Variants in GNA15 observed in about 807,000 individuals in gnomAD.
GNA15 encodes G protein subunit alpha 15.
Under a neutral mutation model 40.1 loss-of-function variants are expected in GNA15, and 23 were observed. The ratio of observed to expected loss-of-function variants is 0.57; its 90% CI spans 0.41 to 0.81. The LOEUF is 0.81. GNA15 is among the 40% of genes least tolerant of loss of function. The pLI, the probability that GNA15 is intolerant of heterozygous loss-of-function variation, is 0.00. For missense variants in GNA15, 522 were observed against 515.8 expected, an observed-to-expected ratio of 1.01 and a Z score of -0.12; for synonymous variants, 226 against 210.4, an observed-to-expected ratio of 1.07 and a Z score of -0.64.
chr19:3,140,047 C>CTATCCATCTATCTATCTATCTATG (rs1914543178), intron 1 of GNA15, among the ~76,000 whole-genome samples: 1 of 135,488 alleles, frequency 7.4e-6, no homozygotes, highest in African/African-American at 2.7e-5. Flanking sequence ...AAAAAAAAAT[C>CTATCCATCTATCTATCTATCTATG]TATCTATCTA....
At chr19:3,157,223 T>C (rs920647275) in intron 5 of GNA15, among the ~76,000 whole-genome samples, 1 of 152,094 alleles carries the variant, frequency 6.6e-6, no homozygotes, top group Non-Finnish European at 1.5e-5. Context: ...GGTCTCCAAC[T>C]CCTGGCCTCA....
At chr19:3,157,651 C>T in intron 5 of GNA15, 77 bp from the exon 6 acceptor site, 2 of 1,340,256 alleles carry the variant, frequency 1.5e-6, no homozygotes, top group Admixed American at 1.7e-5. Context: ...GAGCCAACAG[C>T]CCCGTCTCCG....
chr19:3,137,801 A>G (rs1914488049), intron 1 of GNA15, among the ~76,000 whole-genome samples: 1 of 151,792 alleles, frequency 6.6e-6, no homozygotes, highest in Non-Finnish European at 1.5e-5. Context: ...ACAAACAAAC[A>G]AAACCAAAAA....
chr19:3,151,893 C>A lies in GNA15; in HGVS notation c.614+58C>A. ...CAGGGAAGGCTTCCTGTAGGAAGGGCAAAGGAGCTGGGGCCCTGAGGGATG... is the reference window on the plus strand; with the variant it reads ...CAGGGAAGGCTTCCTGTAGGAAGGGAAAAGGAGCTGGGGCCCTGAGGGATG... On this transcript the variant is annotated intron_variant, in intron 4 of 6. Coordinates refer to ENST00000262958, the MANE Select transcript of GNA15 (RefSeq NM_002068.4). The surrounding 1 kb of genome is among the most constrained non-coding windows in gnomAD (Gnocchi z 5.0). 1 of 1,346,164 alleles carries A rather than the reference C, an allele frequency of 7.4e-7. No individual in the cohort carries two copies. Among genetic ancestry groups the A allele is most frequent in the Non-Finnish European group, 1.0e-6 (1 of 970,746 alleles). The allele number at this position is 1,346,164 out of a possible 1,614,324, so 83.4% of individuals were successfully genotyped here.
chr19:3,152,719 G>A (rs529433115), intron 4 of GNA15, among the ~76,000 whole-genome samples: 4 of 152,232 alleles, frequency 2.6e-5, no homozygotes, highest in East Asian at 1.9e-4. Flanking sequence ...ATGGCGGGGA[G>A]CTGAGCAGGG....
intron 1 of GNA15, among the ~76,000 whole-genome samples, chr19:3,143,547 G>C (rs1400811543): frequency 6.6e-6 from 1 of 152,148 alleles, no homozygotes; most frequent in Non-Finnish European, 1.5e-5. Context: ...AGCTAGTCTG[G>C]AGGTTGAGGC....
chr19:3,140,664 GTCT>G (rs1362676732), intron 1 of GNA15, among the ~76,000 whole-genome samples: 1 of 152,158 alleles, frequency 6.6e-6, no homozygotes, highest in Non-Finnish European at 1.5e-5. Context: ...GACCACATCT[GTCT>G]TCTTCATCCC....
chr19:3,162,034 AAAT>A (rs138333994), intron 6 of GNA15, among the ~76,000 whole-genome samples: 47,866 of 149,744 alleles, frequency 0.32, 7,873 homozygotes, highest in Non-Finnish European at 0.35. Context: ...CTCTGTCTCA[AAAT>A]AATAATAATA....
intron 1 of GNA15, among the ~76,000 whole-genome samples, chr19:3,138,798 T>C (rs867167036): frequency 0.14 from 2,895 of 21,236 alleles, 86 homozygotes; most frequent in African/African-American, 0.3. Flanking sequence ...GCCCAGTTAA[T>C]TTTTTTTTTT....
At chr19:3,138,238 C>T (rs1159705288) in intron 1 of GNA15, among the ~76,000 whole-genome samples, 2 of 152,150 alleles carry the variant, frequency 1.3e-5, no homozygotes, top group African/African-American at 4.8e-5. Flanking sequence ...TGCACCCCAG[C>T]CTGGGCAACA....
chr19:3,152,422 G>A (rs1467322131), intron 4 of GNA15, among the ~76,000 whole-genome samples: 7 of 152,108 alleles, frequency 4.6e-5, no homozygotes, highest in Non-Finnish European at 8.8e-5. Context: ...TTTTGTCAAG[G>A]TGATGGGGGT....
At position 3,148,759 on chromosome 19, in the gene GNA15, G is replaced by T. The variant is rs377517036; in HGVS notation, c.314G>T (p.Ser105Ile). ...ATGGAGCGGCTGCAGATTCCATTCA[G>T]CAGGCCCGAGAGCAAGGTGAGCCGC... is the stretch of plus-strand genomic sequence containing the variant. ...EAMERLQIPF[S>I]RPESKHHASL... Residue 105 changes from serine to isoleucine, a missense_variant, in exon 2 of 7, where the codon AGC (serine) becomes ATC (isoleucine). Coordinates refer to ENST00000262958, the MANE Select transcript of GNA15 (RefSeq NM_002068.4). 8 of 1,599,012 alleles carry T rather than the reference G, an allele frequency of 5.0e-6. No homozygotes were observed. The highest frequency in any genetic ancestry group is 6.8e-6 in the Non-Finnish European group (8 of 1,173,150).
At chr19:3,154,628 CTGGATGGGTGGA>C (rs1914967965) in intron 4 of GNA15, among the ~76,000 whole-genome samples, 2 of 122,934 alleles carry the variant, frequency 1.6e-5, no homozygotes, top group African/African-American at 3.2e-5. Context: ...GAGTGAATGG[CTGGATGGGTGGA>C]TGGATGGGTG....
At chr19:3,158,769 G>A (rs1303401883) in intron 6 of GNA15, among the ~76,000 whole-genome samples, 3 of 151,890 alleles carry the variant, frequency 2.0e-5, no homozygotes, top group African/African-American at 7.3e-5. Context: ...TTACAGGCAC[G>A]TGCCACCAAG....
intron 1 of GNA15, among the ~76,000 whole-genome samples, chr19:3,137,995 A>AAATC (rs1418718140): frequency 9.9e-5 from 15 of 151,400 alleles, no homozygotes; most frequent in African/African-American, 3.6e-4. Flanking sequence ...ATAAATAAAT[A>AAATC]AATCATGCCT....
chr19:3,150,329 G>T (rs780075431), intron 3 of GNA15, 44 bp downstream of exon 3: 1 of 1,477,984 alleles, frequency 6.8e-7, no homozygotes, highest in Non-Finnish European at 9.0e-7. Context: ...GGGAGGGGCT[G>T]AGGGCAGGGG....
In GNA15 at chr19:3,150,189, G is replaced by C; in HGVS notation, c.389G>C (p.Arg130Pro). The change falls in exon 3 of 7, where the codon CGC becomes CCC. Residue 130 changes from arginine (R) to proline (P), a missense_variant. Physicochemically the swap from Arg to Pro is moderately radical, Grantham distance 103 (BLOSUM62 -2). Coordinates refer to ENST00000262958, the MANE Select transcript of GNA15 (RefSeq NM_002068.4). ...TATAAAGTGACCACGTTTGAGAAGC[G>C]CTACGCTGCGGCCATGCAGTGGCTG... ...DPYKVTTFEK[R>P]YAAAMQWLWR... 1 of 1,613,246 alleles carries C rather than the reference G, an allele frequency of 6.2e-7. No homozygotes were observed. The highest frequency in any genetic ancestry group is 8.5e-7 in the Non-Finnish European group (1 of 1,179,754).
chr19:3,136,951 T>G lies in GNA15; in HGVS notation c.145+356T>G, dbSNP rs1238823880. On this transcript the variant is annotated intron_variant, in intron 1 of 6. Transcript: ENST00000262958. This position sits in a 1 kb window ranked among gnomAD's most constrained non-coding sequence, Gnocchi z 4.9. ...ATGATGAGCTCAGGTGTGCAACCCGTTCTGGCCAGCCCACCCGTAAGGGAG... is the reference window on the plus strand; with the variant it reads ...ATGATGAGCTCAGGTGTGCAACCCGGTCTGGCCAGCCCACCCGTAAGGGAG... Among the ~76,000 whole-genome samples the G allele has an allele frequency of 6.6e-6, 1 of 152,178 alleles. No homozygotes were observed. The highest frequency in any genetic ancestry group is 1.5e-5 in the Non-Finnish European group (1 of 68,028).
chr19:3,152,872 GTCTCCTCTACA>G (rs1914912590), intron 4 of GNA15, among the ~76,000 whole-genome samples: 1 of 152,092 alleles, frequency 6.6e-6, no homozygotes, highest in South Asian at 2.1e-4. Context: ...TTTTCTGTGG[GTCTCCTCTACA>G]AGATGGAGAG....
Sources: gnomAD v4.1 joint callset for allele counts (sites outside exome capture counted in the v4.1 genomes callset) on GRCh38, gnomAD v4.1.1 for gene constraint, Gnocchi (gnomAD v3.1) non-coding constraint, MANE v1.5 for transcripts, NCBI Gene and HGNC (gene_info 2026-07-23, HGNC 2026-07-21) for gene names.